Variants in AGBL4 observed in about 807,000 individuals in gnomAD.
AGBL4 encodes cytosolic carboxypeptidase 6.
Under a neutral mutation model 66.4 loss-of-function variants are expected in AGBL4, and 58 were observed. That is an observed-to-expected ratio of 0.87 (90% CI 0.71 to 1.09). The LOEUF (loss-of-function observed/expected upper bound fraction) is 1.09, where lower values mean the gene tolerates loss of function less well. Among genes scored for constraint, AGBL4 ranks in the 50% least tolerant of loss-of-function variants. The probability of loss-of-function intolerance (pLI) is 0.00; values close to 1 mark genes in which losing one functional copy is unlikely to be tolerated. For missense variants in AGBL4, 579 were observed against 631.0 expected, an observed-to-expected ratio of 0.92 and a Z score of 0.88; for synonymous variants, 234 against 222.9, an observed-to-expected ratio of 1.05 and a Z score of -0.44.
At chr1:48,905,080 A>G (rs1652455919) in intron 5 of AGBL4, among the ~76,000 whole-genome samples, 1 of 152,222 alleles carries the variant, frequency 6.6e-6, no homozygotes. Context: ...AGAATAGAAT[A>G]GGAAATTATG....
chr1:49,237,515 TATATATATATATATATATATATATA>T (rs1650866070), intron 4 of AGBL4, among the ~76,000 whole-genome samples: 23 of 136,666 alleles, frequency 1.7e-4, no homozygotes, highest in African/African-American at 5.4e-4. Flanking sequence ...TATTACATTA[TATATATATATATATATATATATATA>T]TATATATATA....
At chr1:49,339,799 T>C (rs1645502628) in intron 3 of AGBL4, among the ~76,000 whole-genome samples, 1 of 152,196 alleles carries the variant, frequency 6.6e-6, no homozygotes, top group African/African-American at 2.4e-5. Flanking sequence ...GGCATTATTA[T>C]TGGAACAAAT....
intron 6 of AGBL4, among the ~76,000 whole-genome samples, chr1:48,790,717 G>A (rs891835668): frequency 6.6e-6 from 1 of 152,134 alleles, no homozygotes; most frequent in Non-Finnish European, 1.5e-5. Context: ...TAGATCATAA[G>A]GGTTCTGCCC....
intron 3 of AGBL4, among the ~76,000 whole-genome samples, chr1:49,370,845 A>G (rs2148552238): frequency 6.6e-6 from 1 of 152,310 alleles, no homozygotes; most frequent in African/African-American, 2.4e-5. Flanking sequence ...TCGAACTGTC[A>G]ACTTGGAGGG....
chr1:48,773,226 C>G (rs574814026), intron 6 of AGBL4, among the ~76,000 whole-genome samples: 11 of 151,964 alleles, frequency 7.2e-5, no homozygotes, highest in Admixed American at 7.2e-4. Context: ...GCTCTAGGCA[C>G]AGAGAAACCA....
At chr1:49,874,801 C>G (rs893943643) in intron 1 of AGBL4, among the ~76,000 whole-genome samples, 2 of 151,844 alleles carry the variant, frequency 1.3e-5, no homozygotes, top group African/African-American at 2.4e-5. Flanking sequence ...TTTGTTATTT[C>G]TATTATTTTT....
At chr1:49,044,847 C>A (rs998154155) in intron 5 of AGBL4, among the ~76,000 whole-genome samples, 30 of 152,156 alleles carry the variant, frequency 2.0e-4, no homozygotes, top group African/African-American at 6.8e-4. Context: ...GAAATAAATT[C>A]TCCCTTAAAG....
chr1:49,666,666 C>T (rs148907562), intron 3 of AGBL4, among the ~76,000 whole-genome samples: 2 of 152,032 alleles, frequency 1.3e-5, no homozygotes, highest in East Asian at 1.9e-4. Flanking sequence ...AAATACTGAA[C>T]CAATGCACAA....
At chr1:48,795,016 T>C (rs1240685480) in intron 6 of AGBL4, among the ~76,000 whole-genome samples, 3 of 152,224 alleles carry the variant, frequency 2.0e-5, no homozygotes, top group Non-Finnish European at 2.9e-5. Context: ...TGAGTCATTC[T>C]TGACTCCTAC....
In AGBL4 at chr1:48,634,557, G is replaced by T. The variant is rs753800648; in HGVS notation, c.887C>A (p.Ser296Tyr). 6.2e-7 allele frequency: 1 copy of T among 1,606,852 alleles called. No homozygotes were observed. ...FDLNRHWLDP[S>Y]PWVHPTLHGV... ...ATGCAGGGTAGGATGGACCCATGGA[G>T]AGGGATCCAGCCAGTGACGATTCAG... Residue 296 changes from serine to tyrosine, a missense_variant, in exon 9 of 14, where the codon TCT (serine) becomes TAT (tyrosine). By Grantham distance (144) the Ser-to-Tyr change is moderately radical. Transcript: ENST00000371839.
At chr1:49,515,102 C>G (rs1430965972) in intron 3 of AGBL4, among the ~76,000 whole-genome samples, 1 of 152,098 alleles carries the variant, frequency 6.6e-6, no homozygotes, top group Non-Finnish European at 1.5e-5. Flanking sequence ...GAACAGGCAA[C>G]CTACAGAATG....
intron 4 of AGBL4, among the ~76,000 whole-genome samples, chr1:49,242,861 A>T (rs751638774): frequency 4.6e-5 from 7 of 151,754 alleles, no homozygotes; most frequent in Non-Finnish European, 7.4e-5. Flanking sequence ...ATGGTTTTCC[A>T]GTTGTATCTT....
intron 6 of AGBL4, among the ~76,000 whole-genome samples, chr1:48,714,848 AG>A (rs1237289236): frequency 6.6e-6 from 1 of 152,228 alleles, no homozygotes; most frequent in Non-Finnish European, 1.5e-5. Context: ...ATATTGCTGA[AG>A]GGACACTGAG....
At chr1:48,543,413 TCCA>T (rs749095906) in intron 11 of AGBL4, among the ~76,000 whole-genome samples, 4 of 151,338 alleles carry the variant, frequency 2.6e-5, no homozygotes, top group Admixed American at 6.6e-5. Context: ...CATCCATCCA[TCCA>T]TCCATCCATC....
chr1:48,572,594 C>A, intron 11 of AGBL4, among the ~76,000 whole-genome samples: 1 of 151,068 alleles, frequency 6.6e-6, no homozygotes, highest in Non-Finnish European at 1.5e-5. Flanking sequence ...GACAAAAAGA[C>A]AAAAATGAAA....
At chr1:49,183,078 A>T (rs1646956580) in intron 4 of AGBL4, among the ~76,000 whole-genome samples, 1 of 152,120 alleles carries the variant, frequency 6.6e-6, no homozygotes, top group South Asian at 2.1e-4. Context: ...TCCTGCTCTT[A>T]AATCTAATCA....
At chr1:49,756,091 A>G (rs1417198957) in intron 2 of AGBL4, among the ~76,000 whole-genome samples, 1 of 152,154 alleles carries the variant, frequency 6.6e-6, no homozygotes, top group Non-Finnish European at 1.5e-5. Flanking sequence ...ATTTGAAATT[A>G]TAAATTAAAA....
chr1:49,149,818 G>T (rs1646292646), intron 4 of AGBL4, among the ~76,000 whole-genome samples: 3 of 152,172 alleles, frequency 2.0e-5, no homozygotes, highest in Admixed American at 2.0e-4. Flanking sequence ...GCCATGCATT[G>T]TGAGTAATAA....
chr1:49,101,578 A>G (rs1214795277), intron 4 of AGBL4, among the ~76,000 whole-genome samples: 1 of 152,232 alleles, frequency 6.6e-6, no homozygotes, highest in Non-Finnish European at 1.5e-5. Context: ...GACTAACAGC[A>G]TGAATTCTGG....
Sources: gnomAD v4.1 joint callset for allele counts (sites outside exome capture counted in the v4.1 genomes callset) on GRCh38, gnomAD v4.1.1 for gene constraint, MANE v1.5 for transcripts, NCBI Gene and HGNC (gene_info 2026-07-23, HGNC 2026-07-21) for gene names.